Variants in NCAM1 observed in about 807,000 individuals in gnomAD.
The protein encoded by NCAM1 is antigen recognized by monoclonal antibody 5.1H11.
NCAM1 carries 14 observed loss-of-function variants against 109.8 expected under a neutral mutation model. The observed-to-expected ratio is 0.13, with a 90% CI of 0.08 to 0.20. The LOEUF (loss-of-function observed/expected upper bound fraction) is 0.20. NCAM1 is among the 10% of genes least tolerant of loss of function. The pLI is 1.00. For synonymous variants in NCAM1, 418 were observed against 442.9 expected (o/e 0.94, Z 0.70); for missense variants, 774 against 1,109.9 (o/e 0.70, Z 4.30).
At chr11:113,225,981 C>A (rs1177364491) in intron 9 of NCAM1, among the ~76,000 whole-genome samples, 2 of 152,098 alleles carry the variant, frequency 1.3e-5, no homozygotes, top group Non-Finnish European at 2.9e-5. Flanking sequence ...CAAAAACATG[C>A]CAAATCGTAA....
chr11:113,029,071 A>G (rs1200964088), intron 1 of NCAM1, among the ~76,000 whole-genome samples: 1 of 152,184 alleles, frequency 6.6e-6, no homozygotes, highest in Non-Finnish European at 1.5e-5. Context: ...AAATCCCAAA[A>G]GTTAGTGTTT....
chr11:112,983,772 A>G (rs1361900099), intron 1 of NCAM1, among the ~76,000 whole-genome samples: 1 of 151,998 alleles, frequency 6.6e-6, no homozygotes, highest in Non-Finnish European at 1.5e-5. Flanking sequence ...TACTTTTTTA[A>G]TATTTAAGGT....
intron 15 of NCAM1, among the ~76,000 whole-genome samples, chr11:113,253,362 T>C (rs1218263843): frequency 6.6e-6 from 1 of 152,096 alleles, no homozygotes; most frequent in Non-Finnish European, 1.5e-5. Context: ...TGGCTGAAAG[T>C]CGTGAATTTT....
intron 1 of NCAM1, among the ~76,000 whole-genome samples, chr11:113,101,329 T>C (rs782705192): frequency 2.2e-4 from 33 of 152,238 alleles, no homozygotes; most frequent in Non-Finnish European, 4.0e-4. Flanking sequence ...TGCAAATTCT[T>C]CTGTCACAGC....
intron 19 of NCAM1, 124 bp from the exon 20 acceptor site, chr11:113,275,143 G>T: frequency 7.7e-7 from 1 of 1,305,328 alleles, no homozygotes; most frequent in Non-Finnish European, 1.0e-6. Flanking sequence ...ACGGGCAGAG[G>T]TTGGAGCCGG....
chr11:113,000,852 A>ACAC (rs10674731), intron 1 of NCAM1, among the ~76,000 whole-genome samples: 3 of 2,440 alleles, frequency 1.2e-3, no homozygotes, highest in South Asian at 0.038. Flanking sequence ...ATATATACAC[A>ACAC]AAAAATATAT....
chr11:113,270,628 A>G (rs1202690040), intron 18 of NCAM1: 3 of 555,184 alleles, frequency 5.4e-6, no homozygotes, highest in African/African-American at 3.8e-5. Flanking sequence ...CTTGTATTAG[A>G]ATCTCCCCAG....
chr11:112,969,707 T>G (rs1950823830), intron 1 of NCAM1, among the ~76,000 whole-genome samples: 1 of 152,212 alleles, frequency 6.6e-6, no homozygotes, highest in Non-Finnish European at 1.5e-5. Context: ...GGTCAGATAT[T>G]TTATTTGAAA....
chr11:113,247,947 T>C (rs372133316), intron 15 of NCAM1, among the ~76,000 whole-genome samples: 56 of 152,218 alleles, frequency 3.7e-4, no homozygotes, highest in African/African-American at 1.3e-3. Flanking sequence ...ATCTGGGCCT[T>C]CACCATGAAA....
At position 113,251,615 on chromosome 11, in the gene NCAM1, A is replaced by C. The variant is rs149325519; in HGVS notation, c.1829-4262A>C. Reference sequence around the variant, plus strand: ...TGTTCCGTTGGTGTAGTCTTTACATAATACATTTTGGGGGGAACATTTGAC... The same window carrying C: ...TGTTCCGTTGGTGTAGTCTTTACATCATACATTTTGGGGGGAACATTTGAC... On this transcript the variant is annotated intron_variant, in intron 15 of 19. Coordinates refer to ENST00000316851, the MANE Select transcript of NCAM1 (RefSeq NM_181351.5). Among the ~76,000 whole-genome samples, 318 of 152,266 alleles carry C rather than the reference A, an allele frequency of 2.1e-3. 1 individual carries two copies. Among genetic ancestry groups the C allele is most frequent in the African/African-American group, 6.8e-3 (282 of 41,552 alleles).
rs1478290351 is a variant in NCAM1 at position 112,976,189 on chromosome 11, T to G, written c.52+14525T>G. On this transcript the variant is annotated intron_variant, in intron 1 of 19. Transcript: ENST00000316851. Reference sequence around the variant, plus strand: ...AAATTATAAATATGTGCAGTTATTTTAACAATTTATGAATGTATTTCTAAA... The same window carrying G: ...AAATTATAAATATGTGCAGTTATTTGAACAATTTATGAATGTATTTCTAAA... 2.0e-5 allele frequency among the ~76,000 whole-genome samples: 3 copies of G among 152,090 alleles called. No homozygotes were observed. In the East Asian group the frequency reaches 5.8e-4, roughly 29 times the overall value.
At chr11:113,182,294 CA>C (rs5794853) in intron 1 of NCAM1, among the ~76,000 whole-genome samples, 18 of 152,120 alleles carry the variant, frequency 1.2e-4, no homozygotes, top group African/African-American at 4.1e-4. Context: ...TAATGCATTA[CA>C]AAAGCACACC....
rs12273600 is a variant in NCAM1, at chr11:113,056,924, A to T, written c.52+95260A>T. Among the ~76,000 whole-genome samples the T allele has an allele frequency of 9.6e-3, 1,467 of 152,358 alleles. 17 individuals carry two copies. Among genetic ancestry groups the T allele is most frequent in the African/African-American group, 0.033 (1,369 of 41,582 alleles). ...TACAGATGTATCCCCTGAGACTTACATTCATAGAATCGTTTAATCATCCAA... is the reference window on the plus strand; with the variant it reads ...TACAGATGTATCCCCTGAGACTTACTTTCATAGAATCGTTTAATCATCCAA... On this transcript the variant is annotated intron_variant, in intron 1 of 19. Transcript: ENST00000316851.
intron 9 of NCAM1, among the ~76,000 whole-genome samples, chr11:113,228,861 G>A (rs1176990929): frequency 2.0e-5 from 3 of 152,148 alleles, no homozygotes; most frequent in African/African-American, 7.2e-5. Flanking sequence ...AAATGGTGCT[G>A]GGAAAACTGG....
chr11:113,221,227 A>G, intron 8 of NCAM1, 69 bp from the exon 9 acceptor site: 1 of 1,494,058 alleles, frequency 6.7e-7, no homozygotes, highest in East Asian at 2.5e-5. Flanking sequence ...AGTGTGATAC[A>G]TTCTCTAAAG....
chr11:113,109,356 G>GAAAA (rs1358061242), intron 1 of NCAM1, among the ~76,000 whole-genome samples: 1 of 140,072 alleles, frequency 7.1e-6, no homozygotes, highest in Admixed American at 7.6e-5. Context: ...TCAAAAAAAA[G>GAAAA]AAAAAAAAAC....
intron 1 of NCAM1, among the ~76,000 whole-genome samples, chr11:113,055,464 A>T (rs1300163818): frequency 6.6e-6 from 1 of 152,204 alleles, no homozygotes; most frequent in Non-Finnish European, 1.5e-5. Context: ...TTCTCTAGTA[A>T]CCTAAAAGTC....
chr11:113,056,021 AT>A (rs1591288207), intron 1 of NCAM1, among the ~76,000 whole-genome samples: 23 of 124,052 alleles, frequency 1.9e-4, no homozygotes, highest in South Asian at 1.3e-3. Context: ...ATATATATAT[AT>A]ATAAAATATA....
At chr11:112,997,716 A>G (rs1951632919) in intron 1 of NCAM1, among the ~76,000 whole-genome samples, 1 of 152,200 alleles carries the variant, frequency 6.6e-6, no homozygotes, top group Non-Finnish European at 1.5e-5. Context: ...GAAATTATTT[A>G]GGGCTGCTGC....
Sources: allele counts gnomAD v4.1 joint callset (sites outside exome capture counted in the v4.1 genomes callset), GRCh38; gene constraint gnomAD v4.1.1; transcripts MANE v1.5; gene names NCBI Gene and HGNC (gene_info 2026-07-23, HGNC 2026-07-21).